Variants in TNC observed in about 807,000 individuals in gnomAD.
TNC encodes tenascin.
TNC carries 109 observed loss-of-function variants against 202.4 expected under a neutral mutation model. That is an observed-to-expected ratio of 0.54 (90% confidence interval 0.46 to 0.63). TNC has a LOEUF of 0.63. Among genes scored for constraint, TNC ranks in the 30% least tolerant of loss-of-function variants. The probability of loss-of-function intolerance (pLI) is 0.00; values close to 1 mark genes in which losing one functional copy is unlikely to be tolerated. For synonymous variants in TNC, 1,007 were observed against 1,089.7 expected (o/e 0.92, Z 1.50); for missense variants, 2,756 against 2,833.3 (o/e 0.97, Z 0.62).
intron 10 of TNC, among the ~76,000 whole-genome samples, chr9:115,072,839 C>T (rs993631566): frequency 3.3e-5 from 5 of 152,134 alleles, no homozygotes; most frequent in African/African-American, 9.7e-5. Flanking sequence ...CTATACATTT[C>T]GAATATTTGG....
intron 1 of TNC, among the ~76,000 whole-genome samples, chr9:115,116,899 G>A (rs1314777076): frequency 6.6e-6 from 1 of 152,114 alleles, no homozygotes; most frequent in East Asian, 1.9e-4. Flanking sequence ...GGCGGGCTGA[G>A]GAACAACACA....
chr9:115,086,787 C>T lies in TNC; in HGVS notation c.944G>A (p.Cys315Tyr). Reference sequence around the variant, plus strand: ...GCCCCGGTCGAAGCAGTCATTGGGGCAGATGAGCTCACTGCAGTCTTCGCC... The same window carrying T: ...GCCCCGGTCGAAGCAGTCATTGGGGTAGATGAGCTCACTGCAGTCTTCGCC... ...FTGEDCSELICPNDCFDRGRC... is the reference protein window; with the variant it reads ...FTGEDCSELIYPNDCFDRGRC... Residue 315 changes from cysteine to tyrosine, a missense_variant, in exon 3 of 28, where the codon TGC (cysteine) becomes TAC (tyrosine). Transcript: ENST00000350763. 1.2e-6 allele frequency: 2 copies of T among 1,613,976 alleles called. No homozygotes were observed. Among genetic ancestry groups the T allele is most frequent in the Non-Finnish European group, 1.7e-6 (2 of 1,180,020 alleles).
Position 115,063,990 on chromosome 9 carries a change from T to C in TNC, c.3566A>G (p.Glu1189Gly). 6.2e-7 allele frequency: 1 copy of C among 1,613,928 alleles called. No individual in the cohort carries two copies. Reference protein sequence around the residue: ...DALKLNWTAPEGAYEYFFIQV... With the variant: ...DALKLNWTAPGGAYEYFFIQV... ...AATGAAAAAGTACTCATAGGCCCCT[T>C]CTGGAGCAGTCCAGTTGAGTTTGAG... Residue 1189 changes from glutamate to glycine, a missense_variant, in exon 12 of 28, where the codon GAA becomes GGA. Coordinates refer to ENST00000350763, the MANE Select transcript of TNC (RefSeq NM_002160.4).
chr9:115,038,649 A>G (rs1309364854), intron 19 of TNC, among the ~76,000 whole-genome samples: 1 of 152,026 alleles, frequency 6.6e-6, no homozygotes, highest in Non-Finnish European at 1.5e-5. Flanking sequence ...TGTTATTTTG[A>G]TTTTTCCATT....
rs1829022701 is a variant in TNC, at chr9:115,021,031, G to A, written c.*126C>T. 1 of 708,138 alleles carries A rather than the reference G, an allele frequency of 1.4e-6. No individual in the cohort carries two copies. The highest frequency in any genetic ancestry group is 2.3e-6 in the Non-Finnish European group (1 of 427,072). 43.9% of individuals were successfully genotyped at this position (708,138 alleles called of 1,614,324 possible). Reference sequence around the variant, plus strand: ...TTGCCGTTGGCCCCAGGGATCCATGGTCAGCTTTGACTCTCACCAAATGCC... The same window carrying A: ...TTGCCGTTGGCCCCAGGGATCCATGATCAGCTTTGACTCTCACCAAATGCC... On this transcript the variant is annotated 3_prime_UTR_variant, in exon 28 of 28. Coordinates refer to ENST00000350763, the MANE Select transcript of TNC (RefSeq NM_002160.4).
intron 17 of TNC, among the ~76,000 whole-genome samples, chr9:115,045,109 C>A (rs1224000233): frequency 6.6e-6 from 1 of 152,134 alleles, no homozygotes; most frequent in Non-Finnish European, 1.5e-5. Context: ...CATTCTGGTC[C>A]TCAGAGTCTT....
chr9:115,059,392 G>A (rs890159589), intron 14 of TNC, among the ~76,000 whole-genome samples: 1 of 152,200 alleles, frequency 6.6e-6, no homozygotes, highest in Non-Finnish European at 1.5e-5. Context: ...GAAGCTTTTA[G>A]TTATCTCCAA....
rs11323889 is a variant in TNC at position 115,062,608 on chromosome 9, C to CA, written c.4033+308dup. On this transcript the variant is annotated intron_variant, in intron 13 of 27. Coordinates refer to ENST00000350763, the MANE Select transcript of TNC (RefSeq NM_002160.4). ...TGGGCAAAAGAATGAGACCCTGACT[C>CA]AAAAAAAAAAAAAAAAGTATATATC... is the stretch of plus-strand genomic sequence containing the variant. 3.8e-3 allele frequency among the ~76,000 whole-genome samples: 438 copies of CA among 114,424 alleles called. 2 individuals carry two copies. Among genetic ancestry groups the CA allele is most frequent in the East Asian group, 0.014 (52 of 3,652 alleles). The allele number at this position is 114,424 out of a possible 152,430, so 75.1% of individuals were successfully genotyped here. A position where few individuals can be genotyped will look rare whatever the true frequency, so the allele number is the denominator to read the frequency against.
chr9:115,047,301 G>T (rs1179903256), intron 16 of TNC, among the ~76,000 whole-genome samples: 1 of 138,052 alleles, frequency 7.2e-6, no homozygotes, highest in Non-Finnish European at 1.5e-5. Flanking sequence ...TAAATGTTCA[G>T]ATGGTAGAAC....
chr9:115,047,981 T>G (rs552722466), intron 16 of TNC, among the ~76,000 whole-genome samples: 21 of 152,214 alleles, frequency 1.4e-4, no homozygotes, highest in Non-Finnish European at 7.4e-5. Flanking sequence ...GACGATGATA[T>G]GAGGTAAGCA....
chr9:115,076,045 G>T lies in TNC; in HGVS notation c.2937C>A (p.Ile979=). The T allele has an allele frequency of 2.5e-6, 4 of 1,614,090 alleles. No individual in the cohort carries two copies. Among genetic ancestry groups the T allele is most frequent in the Non-Finnish European group, 3.4e-6 (4 of 1,180,006 alleles). Residue 979 remains isoleucine, a synonymous_variant, in exon 9 of 28, where the codon ATC becomes ATA. Coordinates refer to ENST00000350763, the MANE Select transcript of TNC (RefSeq NM_002160.4). ...GGTGTGCCCCACCTGTGGCTGCGTT[G>T]ATGGTCGCTGGATTGCTCTCCTTGT... ...KEDKESNPAT[I]NAATELDTPK...
At chr9:115,032,120 G>T (rs923431440) in intron 22 of TNC, among the ~76,000 whole-genome samples, 2 of 152,010 alleles carry the variant, frequency 1.3e-5, no homozygotes, top group African/African-American at 4.8e-5. Context: ...TCTGTGAAGG[G>T]GGTTTTTTTT....
At chr9:115,035,838 T>A in intron 21 of TNC, 1 of 436,910 alleles carries the variant, frequency 2.3e-6, no homozygotes. Flanking sequence ...GTGGGAACTG[T>A]TTTTCCACTT....
rs370964306 is a variant in TNC at position 115,063,784 on chromosome 9, C to A, written c.3760+12G>T. 1 of 1,600,668 alleles carries A rather than the reference C, an allele frequency of 6.2e-7. No individual in the cohort carries two copies. The highest frequency in any genetic ancestry group is 2.2e-5 in the East Asian group (1 of 44,518). The stretch of plus-strand genomic sequence containing the variant: ...AGGGGAGGAAGTGAATTAGTGAATT[C>A]GTCTAGAATACCTGTCAAGACTTCA... On this transcript the variant is annotated intron_variant, in intron 12 of 27. Transcript: ENST00000350763.
rs796861893 is a variant in TNC, at chr9:115,075,552, C to G, written c.2950+480G>C. On this transcript the variant is annotated intron_variant, in intron 9 of 27. Coordinates refer to ENST00000350763, the MANE Select transcript of TNC (RefSeq NM_002160.4). ...CTGTAATCCCAGCACTTTGGGAGGC[C>G]GAGGTGGGCGGATCATGAGGTCAAG... Among the ~76,000 whole-genome samples the G allele has an allele frequency of 3.9e-5, 6 of 152,166 alleles. No individual in the cohort carries two copies. The East Asian group carries it at 1.2e-3, about 29-fold the overall frequency.
chr9:115,072,957 C>T (rs1588127362), intron 10 of TNC, among the ~76,000 whole-genome samples: 1 of 152,122 alleles, frequency 6.6e-6, no homozygotes, highest in East Asian at 1.9e-4. Flanking sequence ...GTTCAGTGAA[C>T]AGGTTGCATG....
chr9:115,044,147 C>A (rs960484051), intron 17 of TNC, among the ~76,000 whole-genome samples: 8 of 151,810 alleles, frequency 5.3e-5, no homozygotes, highest in Non-Finnish European at 1.0e-4. Context: ...GGAGAGGTAC[C>A]TTGTGAGTGA....
rs909257647 is a variant in TNC, at chr9:115,020,031, C to CT, written c.*1125dup. The CT allele has an allele frequency of 4.6e-5, 7 of 150,718 alleles. No homozygotes were observed. The highest frequency in any genetic ancestry group is 1.9e-4 in the East Asian group (1 of 5,148). The allele number at this position is 150,718 out of a possible 1,614,324, so 9.3% of individuals were successfully genotyped here. On this transcript the variant is annotated 3_prime_UTR_variant, in exon 28 of 28. Coordinates refer to ENST00000350763, the MANE Select transcript of TNC (RefSeq NM_002160.4). ...AAGATGCTGAATCTCAAGTTGTAAGCTTTTTTTTTCTTTTCTTTTTTTATT... is the reference window on the plus strand; with the variant it reads ...AAGATGCTGAATCTCAAGTTGTAAGCTTTTTTTTTTCTTTTCTTTTTTTATT...
chr9:115,033,065 G>A (rs1381053438), intron 22 of TNC, among the ~76,000 whole-genome samples: 1 of 152,204 alleles, frequency 6.6e-6, no homozygotes, highest in South Asian at 2.1e-4. Context: ...TGGGAACTGG[G>A]AAGGTACCTT....
Sources: gnomAD v4.1 joint callset for allele counts (sites outside exome capture counted in the v4.1 genomes callset) on GRCh38, gnomAD v4.1.1 for gene constraint, MANE v1.5 for transcripts, NCBI Gene and HGNC (gene_info 2026-07-23, HGNC 2026-07-21) for gene names.